Variants in UQCC2 observed in about 807,000 individuals in gnomAD.
The protein encoded by UQCC2 is ubiquinol-cytochrome c reductase complex assembly factor 2, also known as breast cancer-associated protein SGA-81M.
UQCC2 carries 21 observed loss-of-function variants against 19.9 expected under a neutral mutation model. The observed-to-expected ratio is 1.05, with a 90% CI of 0.75 to 1.52. The LOEUF is 1.52. Ranked by LOEUF, UQCC2 falls within the 40% of genes most tolerant of loss-of-function variation. UQCC2 has a pLI of 0.00. For synonymous variants in UQCC2, 57 were observed against 60.9 expected, an observed-to-expected ratio of 0.94 and a Z score of 0.30; for missense variants, 135 against 157.5, an observed-to-expected ratio of 0.86 and a Z score of 0.76.
intron 1 of UQCC2, among the ~76,000 whole-genome samples, chr6:33,709,415 G>GC (rs1554141618): frequency 7.5e-6 from 1 of 132,684 alleles, no homozygotes; most frequent in Non-Finnish European, 1.6e-5. Context: ...TTTACTGAGT[G>GC]TTTTTTTATG....
intron 3 of UQCC2, among the ~76,000 whole-genome samples, chr6:33,699,692 A>G (rs578171208): frequency 1.6e-4 from 24 of 152,330 alleles, no homozygotes; most frequent in African/African-American, 5.5e-4. Flanking sequence ...AGTTTTCTAG[A>G]AGCCCAAATC....
rs371171122 is a variant in UQCC2, at chr6:33,711,551, G to A, written c.136C>T (p.Gln46Ter). The A allele has an allele frequency of 1.9e-6, 3 of 1,604,650 alleles. No homozygotes were observed. In the African/African-American group the frequency reaches 4.0e-5, roughly 22 times the overall value. ...AQAFREGENT[Q>*]VAEPEACDQM... is the part of the protein sequence containing the mutation. Reference sequence around the variant, plus strand: ...CCAGCCGCCTCCCCGCCGGTCACCTGGGTATTCTCTCCCTCCCGAAAGGCC... The same window carrying A: ...CCAGCCGCCTCCCCGCCGGTCACCTAGGTATTCTCTCCCTCCCGAAAGGCC... Residue 46 changes from glutamine (Q) to a stop codon, truncating the protein, a stop_gained and splice_region_variant, in exon 1 of 4, where the codon CAG becomes TAG. Transcript: ENST00000607484. LOFTEE classifies it high-confidence loss of function.
chr6:33,706,737 C>T (rs187326435), intron 1 of UQCC2, among the ~76,000 whole-genome samples: 2 of 152,312 alleles, frequency 1.3e-5, no homozygotes, highest in East Asian at 3.9e-4. Flanking sequence ...AAGGGGAACC[C>T]AGGGAGGGCT....
At chr6:33,710,414 G>A (rs1436710411) in intron 1 of UQCC2, among the ~76,000 whole-genome samples, 3 of 152,132 alleles carry the variant, frequency 2.0e-5, no homozygotes, top group African/African-American at 7.2e-5. Flanking sequence ...ACTGTGCCTG[G>A]CTCCGGACCT....
chr6:33,701,511 C>T (rs1765640165), intron 1 of UQCC2, 91 bp from the exon 2 acceptor site: 3 of 1,315,624 alleles, frequency 2.3e-6, no homozygotes, highest in East Asian at 2.5e-5. Context: ...CTTAATAAAG[C>T]GTTCACATGA....
rs1377896442 is a variant in UQCC2 at position 33,697,546 on chromosome 6, AG to A, written c.*106del. ...AGGGCTTCCTTTCTGGGAAAGCTAG[AG>A]GAGATTCCCAAACCGTAAGGTCAAG... On this transcript the variant is annotated 3_prime_UTR_variant, in exon 4 of 4. Coordinates refer to ENST00000607484, the MANE Select transcript of UQCC2 (RefSeq NM_032340.4). 1 of 796,264 alleles carries A rather than the reference AG, an allele frequency of 1.3e-6. No homozygotes were observed. Among genetic ancestry groups the A allele is most frequent in the Non-Finnish European group, 2.0e-6 (1 of 503,432 alleles). The allele number at this position is 796,264 out of a possible 1,614,324, so 49.3% of individuals were successfully genotyped here. A position where few individuals can be genotyped will look rare whatever the true frequency, so the allele number is the denominator to read the frequency against.
At chr6:33,700,328 G>T in intron 3 of UQCC2, 116 bp downstream of exon 3, 1 of 1,125,214 alleles carries the variant, frequency 8.9e-7, no homozygotes, top group Non-Finnish European at 1.3e-6. Context: ...TTTCCTCTGG[G>T]CTGTTCTACA....
chr6:33,711,036 G>A (rs1765762560), intron 1 of UQCC2, among the ~76,000 whole-genome samples: 1 of 152,190 alleles, frequency 6.6e-6, no homozygotes, highest in Non-Finnish European at 1.5e-5. Context: ...TAATGCTACC[G>A]TGACAAGGAA....
chr6:33,698,404 C>A (rs1342503488), intron 3 of UQCC2: 2 of 152,062 alleles, frequency 1.3e-5, no homozygotes, highest in Non-Finnish European at 2.9e-5. Flanking sequence ...AAACACACAT[C>A]TGCAGACAAC....
At chr6:33,703,185 A>C (rs1339897576) in intron 1 of UQCC2, among the ~76,000 whole-genome samples, 1 of 152,228 alleles carries the variant, frequency 6.6e-6, no homozygotes, top group East Asian at 1.9e-4. Context: ...TTTCTTCAGC[A>C]GGGCACGCAC....
intron 3 of UQCC2, 54 bp from the exon 4 acceptor site, chr6:33,697,804 C>T (rs1765583704): frequency 6.7e-7 from 1 of 1,485,588 alleles, no homozygotes; most frequent in Non-Finnish European, 9.3e-7. Context: ...AACTTGATGA[C>T]ATAGATTGGA....
rs149432183 is a variant in UQCC2 at position 33,701,220 on chromosome 6, T to C, written c.213+126A>G. ...GGCACCTCTGTTGGCTTGGTTGAAATTACTGGTTTCATTTGAACGCAGCAA... is the reference window on the plus strand; with the variant it reads ...GGCACCTCTGTTGGCTTGGTTGAAACTACTGGTTTCATTTGAACGCAGCAA... On this transcript the variant is annotated intron_variant, in intron 2 of 3. Coordinates refer to ENST00000607484, the MANE Select transcript of UQCC2 (RefSeq NM_032340.4). The C allele has an allele frequency of 9.6e-5, 97 of 1,007,482 alleles. No individual in the cohort carries two copies. In the East Asian group the frequency reaches 2.6e-3, roughly 27 times the overall value. The allele number at this position is 1,007,482 out of a possible 1,614,324, so 62.4% of individuals were successfully genotyped here.
chr6:33,702,327 T>C lies in UQCC2; in HGVS notation c.139-907A>G, dbSNP rs142494790. Among the ~76,000 whole-genome samples, 50 of 145,690 alleles carry C rather than the reference T, an allele frequency of 3.4e-4. No homozygotes were observed. In the East Asian group the frequency reaches 9.4e-3, roughly 27 times the overall value. ...CCGGCCTCAGACCAACAGATTCTTT[T>C]AGCAAAGGCAAAAAAAAAAAAAATC... On this transcript the variant is annotated intron_variant, in intron 1 of 3. Coordinates refer to ENST00000607484, the MANE Select transcript of UQCC2 (RefSeq NM_032340.4).
intron 3 of UQCC2, 56 bp downstream of exon 3, chr6:33,700,388 C>A: frequency 1.3e-6 from 2 of 1,592,554 alleles, no homozygotes; most frequent in Non-Finnish European, 1.7e-6. Context: ...CCCTTGGCCA[C>A]TCAAACTCAG....
chr6:33,701,951 C>T (rs941921376), intron 1 of UQCC2, among the ~76,000 whole-genome samples: 34 of 151,734 alleles, frequency 2.2e-4, no homozygotes, highest in African/African-American at 7.7e-4. Context: ...GAGGAGATGC[C>T]GTCAGCAAGG....
chr6:33,701,019 G>A (rs1479472663), intron 2 of UQCC2, among the ~76,000 whole-genome samples: 1 of 152,224 alleles, frequency 6.6e-6, no homozygotes, highest in Non-Finnish European at 1.5e-5. Context: ...GTGGGGAGGT[G>A]TCAGTTCCGT....
intron 3 of UQCC2, among the ~76,000 whole-genome samples, chr6:33,699,340 C>G (rs4713658): frequency 0.46 from 70,667 of 152,050 alleles, 17,957 homozygotes; most frequent in East Asian, 0.89. Flanking sequence ...GGACTATCTC[C>G]CAGCCTTCGT....
chr6:33,700,595 G>C, intron 2 of UQCC2, 82 bp from the exon 3 acceptor site: 1 of 1,466,856 alleles, frequency 6.8e-7, no homozygotes, highest in South Asian at 1.2e-5. Flanking sequence ...TTTCACCTAG[G>C]CCCTGGGCAA....
Position 33,700,507 on chromosome 6 carries a change from G to A in UQCC2, c.220C>T (p.Arg74Cys), listed in dbSNP as rs1765626427. 2.5e-6 allele frequency: 4 copies of A among 1,614,030 alleles called. No homozygotes were observed. Among genetic ancestry groups the A allele is most frequent in the South Asian group, 1.1e-5 (1 of 91,084 alleles). ...HSNYYKHKYP[R>C]PRDTSFSGLS... ...CCACTGAAGCTGGTGTCTCTGGGGC[G>A]AGGGTACTGGTCACCGGGGCAGAAA... is the stretch of plus-strand genomic sequence containing the variant. Residue 74 changes from arginine (R) to cysteine (C), a missense_variant, in exon 3 of 4, where the codon CGC becomes TGC. Arg to Cys is a radical substitution (Grantham distance 180). Coordinates refer to ENST00000607484, the MANE Select transcript of UQCC2 (RefSeq NM_032340.4).
Sources: allele counts gnomAD v4.1 joint callset (sites outside exome capture counted in the v4.1 genomes callset), GRCh38; gene constraint gnomAD v4.1.1; transcripts MANE v1.5; gene names NCBI Gene and HGNC (gene_info 2026-07-23, HGNC 2026-07-21).